Variants in EFCAB14 observed in about 807,000 individuals in gnomAD.
EFCAB14 encodes the protein EF-hand calcium-binding domain-containing protein 14.
EFCAB14 carries 43 observed loss-of-function variants against 56.5 expected under a neutral mutation model. The ratio of observed to expected loss-of-function variants is 0.76; its 90% confidence interval spans 0.60 to 0.98. The LOEUF (loss-of-function observed/expected upper bound fraction) is 0.98, where lower values mean the gene tolerates loss of function less well. EFCAB14 is among the 50% of genes least tolerant of loss of function. The pLI is 0.00. For synonymous variants in EFCAB14, 235 were observed against 212.9 expected (o/e 1.10, Z -0.90); for missense variants, 538 against 580.3 (o/e 0.93, Z 0.75).
At chr1:46,683,180 T>A (rs781242479) in intron 10 of EFCAB14, 120 bp downstream of exon 10, 85 of 1,147,698 alleles carry the variant, frequency 7.4e-5, no homozygotes, top group Non-Finnish European at 6.6e-5. Flanking sequence ...ATAAAGTATC[T>A]GGCACTTGAT....
intron 4 of EFCAB14, among the ~76,000 whole-genome samples, chr1:46,693,166 A>G (rs1367235578): frequency 6.6e-6 from 1 of 152,234 alleles, no homozygotes; most frequent in African/African-American, 2.4e-5. Flanking sequence ...AAAAAGCCCA[A>G]GTGGACAGGG....
At chr1:46,700,265 G>A (rs1449544126) in intron 3 of EFCAB14, among the ~76,000 whole-genome samples, 1 of 152,200 alleles carries the variant, frequency 6.6e-6, no homozygotes, top group Non-Finnish European at 1.5e-5. Flanking sequence ...TCTTAGCATA[G>A]TACCTGGTAC....
rs1676729657 is a variant in EFCAB14 at position 46,678,382 on chromosome 1, C to T, written c.*79G>A. 1.3e-6 allele frequency: 2 copies of T among 1,511,026 alleles called. No homozygotes were observed. The highest frequency in any genetic ancestry group is 1.4e-5 in the African/African-American group (1 of 72,398). The allele number at this position is 1,511,026 out of a possible 1,614,324, so 93.6% of individuals were successfully genotyped here. On this transcript the variant is annotated 3_prime_UTR_variant, in exon 11 of 11. Transcript: ENST00000371933. ...TACAGTAGTTTGGAGGACTAGAGGA[C>T]TGATGGGTAAGTAAGGGTTGTTTTG...
At chr1:46,715,675 C>T (rs192716556) in intron 2 of EFCAB14, among the ~76,000 whole-genome samples, 96 of 152,074 alleles carry the variant, frequency 6.3e-4, no homozygotes, top group African/African-American at 2.2e-3. Flanking sequence ...TTCTAGACTC[C>T]TACCCCTAGG....
Position 46,686,828 on chromosome 1 carries a change from G to A in EFCAB14, c.1030C>T (p.Gln344Ter), listed in dbSNP as rs1166622072. 6.2e-7 allele frequency: 1 copy of A among 1,613,756 alleles called. No homozygotes were observed. Among genetic ancestry groups the A allele is most frequent in the Non-Finnish European group, 8.5e-7 (1 of 1,179,826 alleles). Residue 344 changes from glutamine (Q) to a stop codon, truncating the protein, a stop_gained, in exon 8 of 11, where the codon CAA becomes TAA. Coordinates refer to ENST00000371933, the MANE Select transcript of EFCAB14 (RefSeq NM_014774.3). LOFTEE classifies it high-confidence loss of function. ...ACTGTATCTGTTCTGTTGGTGACTT[G>A]ATCCAAAGACTGTCTTTTCAGAGTG... ...SATLKRQSLDQVTNRTDTVKI... is the reference protein window; with the variant it reads ...SATLKRQSLD
chr1:46,718,265 G>A lies in EFCAB14; in HGVS notation c.-178C>T, dbSNP rs1677429526. 2 of 581,244 alleles carry A rather than the reference G, an allele frequency of 3.4e-6. No homozygotes were observed. Among genetic ancestry groups the A allele is most frequent in the South Asian group, 2.4e-5 (1 of 41,660 alleles). 36.0% of individuals were successfully genotyped at this position (581,244 alleles called of 1,614,324 possible). A position where few individuals can be genotyped will look rare whatever the true frequency, so the allele number is the denominator to read the frequency against. ...GATCCGCCAGGGACTGGAGATTGGA[G>A]CCCAGAGGAAACTGGAACTCAGATG... On this transcript the variant is annotated 5_prime_UTR_variant, in exon 1 of 11. Transcript: ENST00000371933.
chr1:46,709,602 C>A (rs890179438), intron 2 of EFCAB14, among the ~76,000 whole-genome samples: 7 of 152,144 alleles, frequency 4.6e-5, no homozygotes, highest in Non-Finnish European at 1.0e-4. Context: ...GCCAGGTACT[C>A]AGAAGGGTTC....
In EFCAB14 at chr1:46,677,114, C is replaced by G. The variant is rs1676707813; in HGVS notation, c.*1347G>C. The G allele has an allele frequency of 6.6e-6, 1 of 152,596 alleles. No homozygotes were observed. Among genetic ancestry groups the G allele is most frequent in the South Asian group, 2.1e-4 (1 of 4,828 alleles). The allele number at this position is 152,596 out of a possible 1,614,324, so 9.5% of individuals were successfully genotyped here. On this transcript the variant is annotated 3_prime_UTR_variant, in exon 11 of 11. Transcript: ENST00000371933. ...ACACAGCAATTCTAGACTCAACATA[C>G]AGGAGACATGGAGGTATTATTCCTT...
At chr1:46,684,165 G>T in intron 9 of EFCAB14, 1 of 227,128 alleles carries the variant, frequency 4.4e-6, no homozygotes, top group Non-Finnish European at 8.6e-6. Context: ...TTACAGAAAG[G>T]AAAAGACTCT....
intron 10 of EFCAB14, among the ~76,000 whole-genome samples, chr1:46,682,734 C>A (rs1239014270): frequency 6.6e-6 from 1 of 152,196 alleles, no homozygotes; most frequent in Non-Finnish European, 1.5e-5. Context: ...GTTAAAAGTG[C>A]AAGCTTCGGC....
chr1:46,696,487 G>A (rs1677078945), intron 4 of EFCAB14, 64 bp downstream of exon 4: 13 of 1,462,030 alleles, frequency 8.9e-6, no homozygotes, highest in Admixed American at 1.9e-5. Context: ...CTAGAATTAT[G>A]GCAAATAGTA....
rs17448585 is a variant in EFCAB14, at chr1:46,702,332, T to C, written c.480+5574A>G. On this transcript the variant is annotated intron_variant, in intron 3 of 10. Transcript: ENST00000371933. ...ACAGACAATCATCAATGATGAGTGA[T>C]TATTAGTCCTAGCAGGGACTCAGCA... Among the ~76,000 whole-genome samples, 917 of 152,320 alleles carry C rather than the reference T, an allele frequency of 6.0e-3. 10 individuals carry two copies. The highest frequency in any genetic ancestry group is 0.033 in the East Asian group (173 of 5,188).
rs570453418 is a variant in EFCAB14 at position 46,678,026 on chromosome 1, A to C, written c.*435T>G. On this transcript the variant is annotated 3_prime_UTR_variant, in exon 11 of 11. Coordinates refer to ENST00000371933, the MANE Select transcript of EFCAB14 (RefSeq NM_014774.3). ...TTCTTTCATTTAAATATTTACAAAC[A>C]GAAAAGGCCTATCTTTTAAAGAAAA... 6.5e-6 allele frequency: 1 copy of C among 154,916 alleles called. No homozygotes were observed. The highest frequency in any genetic ancestry group is 6.5e-5 in the Admixed American group (1 of 15,362). The allele number at this position is 154,916 out of a possible 1,614,324, so 9.6% of individuals were successfully genotyped here.
chr1:46,699,427 C>T (rs1398235288), intron 3 of EFCAB14, among the ~76,000 whole-genome samples: 1 of 152,170 alleles, frequency 6.6e-6, no homozygotes, highest in Non-Finnish European at 1.5e-5. Flanking sequence ...TTCTCTCTTC[C>T]ACAAGACTAT....
At chr1:46,704,641 T>C (rs1054006935) in intron 3 of EFCAB14, among the ~76,000 whole-genome samples, 7 of 152,186 alleles carry the variant, frequency 4.6e-5, no homozygotes, top group Non-Finnish European at 8.8e-5. Context: ...TGTTTTTAAG[T>C]TACGTAGTCT....
chr1:46,713,119 T>A (rs940826907), intron 2 of EFCAB14, among the ~76,000 whole-genome samples: 1 of 152,138 alleles, frequency 6.6e-6, no homozygotes, highest in Admixed American at 6.5e-5. Context: ...TTCCATTTAG[T>A]CAAGATATTG....
rs1198934568 is a variant in EFCAB14 at position 46,686,798 on chromosome 1, T to C, written c.1060A>G (p.Ile354Val). ...CCATTATTTACCTTTATGCTTTGGATTTTTACTGTATCTGTTCTGTTGGTG... is the reference window on the plus strand; with the variant it reads ...CCATTATTTACCTTTATGCTTTGGACTTTTACTGTATCTGTTCTGTTGGTG... Reference protein sequence around the residue: ...QVTNRTDTVKIQSIKKEDSSN... With the variant: ...QVTNRTDTVKVQSIKKEDSSN... Residue 354 changes from isoleucine to valine, a missense_variant, in exon 8 of 11, where the codon ATC (isoleucine) becomes GTC (valine). Physicochemically the swap from Ile to Val is conservative, Grantham distance 29 (BLOSUM62 3). Transcript: ENST00000371933. The C allele has an allele frequency of 6.2e-7, 1 of 1,613,634 alleles. No individual in the cohort carries two copies. The highest frequency in any genetic ancestry group is 1.3e-5 in the African/African-American group (1 of 74,920).
intron 3 of EFCAB14, among the ~76,000 whole-genome samples, chr1:46,701,392 A>G (rs1401716611): frequency 6.6e-6 from 1 of 151,364 alleles, no homozygotes; most frequent in African/African-American, 2.4e-5. Flanking sequence ...TAATACTCTT[A>G]TCAATTATGT....
intron 6 of EFCAB14, 31 bp downstream of exon 6, chr1:46,689,556 C>T: frequency 6.2e-7 from 1 of 1,607,324 alleles, no homozygotes; most frequent in Non-Finnish European, 8.5e-7. Flanking sequence ...GCACTGTGGT[C>T]ACAGGGAGTT....
Sources: gnomAD v4.1 joint callset for allele counts (sites outside exome capture counted in the v4.1 genomes callset) on GRCh38, gnomAD v4.1.1 for gene constraint, MANE v1.5 for transcripts, NCBI Gene and HGNC (gene_info 2026-07-23, HGNC 2026-07-21) for gene names.